MYOM1: variants seen among roughly 807,000 people sequenced by gnomAD.
MYOM1 encodes the protein myomesin 1, also known as myomesin-1.
In MYOM1, 164 loss-of-function variants were observed where a neutral mutation model predicts 205.3. That is an observed-to-expected ratio of 0.80 (90% CI 0.70 to 0.91). The LOEUF is 0.91. MYOM1 is among the 40% of genes least tolerant of loss of function. MYOM1 has a pLI of 0.00. For synonymous variants in MYOM1, 772 were observed against 789.4 expected (o/e 0.98, Z 0.37); for missense variants, 2,011 against 2,127.3 (o/e 0.95, Z 1.08).
the MYOM1 span, among the ~76,000 whole-genome samples, chr18:3,226,912 G>A: frequency 6.6e-6 from 1 of 152,200 alleles, no homozygotes; most frequent in East Asian, 1.9e-4. This position sits in a 1 kb window ranked among gnomAD's most constrained non-coding sequence, Gnocchi z 4.6. Flanking sequence ...GTTCAGCTGC[G>A]GGGAGGACAA....
intron 2 of MYOM1, among the ~76,000 whole-genome samples, chr18:3,194,297 T>C (rs1471319250): frequency 6.6e-6 from 1 of 152,224 alleles, no homozygotes; most frequent in African/African-American, 2.4e-5. Context: ...AGGCAGTCTA[T>C]ATAAATGGTT....
intron 5 of MYOM1, among the ~76,000 whole-genome samples, chr18:3,186,035 A>C (rs2080804363): frequency 6.6e-6 from 1 of 152,124 alleles, no homozygotes; most frequent in Non-Finnish European, 1.5e-5. Context: ...GTCTCTACTG[A>C]AAATACAAAA....
intron 10 of MYOM1, among the ~76,000 whole-genome samples, chr18:3,163,833 GGTTTT>G (rs112483162): frequency 0.1 from 14,674 of 147,236 alleles, 1,585 homozygotes; most frequent in African/African-American, 0.27. Context: ...TTTTTTTTTT[GGTTTT>G]GTTTTGTTTT....
intron 14 of MYOM1, among the ~76,000 whole-genome samples, chr18:3,140,560 C>T (rs1381650983): frequency 6.6e-6 from 1 of 152,120 alleles, no homozygotes; most frequent in Non-Finnish European, 1.5e-5. Context: ...TTCATTGTTA[C>T]TGATTTGCTA....
At chr18:3,198,388 C>T (rs1305228963) in intron 2 of MYOM1, among the ~76,000 whole-genome samples, 2 of 152,172 alleles carry the variant, frequency 1.3e-5, no homozygotes, top group Admixed American at 1.3e-4. Flanking sequence ...TTTCCCACTG[C>T]CTGTGACTAC....
In MYOM1 at chr18:3,151,760, C is replaced by T; in HGVS notation, c.1777G>A (p.Gly593Ser). Residue 593 changes from glycine (G) to serine (S), a missense_variant, in exon 12 of 38, where the codon GGT becomes AGT. By Grantham distance (56) the Gly-to-Ser change is moderately conservative. Transcript: ENST00000356443. ...GGCTCGGAAACTCGAGATGGGAAAC[C>T]TATTCCCATTTTATTCACAGCTCGA... ...RVRAVNKMGIGFPSRVSEPVA... is the reference protein window; with the variant it reads ...RVRAVNKMGISFPSRVSEPVA... 6.2e-7 allele frequency: 1 copy of T among 1,613,880 alleles called. No individual in the cohort carries two copies. Among genetic ancestry groups the T allele is most frequent in the Non-Finnish European group, 8.5e-7 (1 of 1,179,824 alleles).
Position 3,151,906 on chromosome 18 carries a change from G to C in MYOM1, c.1644-13C>G. The C allele has an allele frequency of 6.2e-7, 1 of 1,605,382 alleles. No individual in the cohort carries two copies. On this transcript the variant is annotated splice_polypyrimidine_tract_variant and intron_variant, in intron 11 of 37. Coordinates refer to ENST00000356443, the MANE Select transcript of MYOM1 (RefSeq NM_003803.4). Reference sequence around the variant, plus strand: ...GCCCACCTCACACCTAAAGGAATGAGCGTGATTGACAAAAATATTAAAAGA... The same window carrying C: ...GCCCACCTCACACCTAAAGGAATGACCGTGATTGACAAAAATATTAAAAGA...
intron 21 of MYOM1, among the ~76,000 whole-genome samples, chr18:3,114,131 C>A (rs1435916622): frequency 6.6e-6 from 1 of 152,156 alleles, no homozygotes; most frequent in African/African-American, 2.4e-5. Context: ...AACACAGAAA[C>A]ATTTCCGTGT....
rs6506070 is a variant in MYOM1, at chr18:3,141,691, G to A, written c.2025+248C>T. 0.55 allele frequency among the ~76,000 whole-genome samples: 83,126 copies of A among 152,046 alleles called. 24,088 individuals are homozygous for A. Among genetic ancestry groups the A allele is most frequent in the African/African-American group, 0.74 (30,605 of 41,460 alleles). ...TTTCTCTTCTTGTAGGTGCTATGAT[G>A]TTGGGTCTGGATCTCTTAGGAGTCT... On this transcript the variant is annotated intron_variant, in intron 14 of 37. Transcript: ENST00000356443.
the MYOM1 span, among the ~76,000 whole-genome samples, chr18:3,234,932 T>C: frequency 1.4e-4 from 22 of 152,004 alleles, no homozygotes; most frequent in Non-Finnish European, 2.4e-4. Flanking sequence ...AATTTTTTTT[T>C]TTTTTAGAGA....
intron 26 of MYOM1, among the ~76,000 whole-genome samples, chr18:3,091,242 G>A (rs2079221924): frequency 6.6e-6 from 1 of 152,054 alleles, no homozygotes; most frequent in African/African-American, 2.4e-5. Flanking sequence ...CTTGAACCTA[G>A]GAGGCAGAGG....
intron 21 of MYOM1, among the ~76,000 whole-genome samples, chr18:3,114,190 C>T (rs1236473343): frequency 6.6e-6 from 1 of 152,136 alleles, no homozygotes; most frequent in Non-Finnish European, 1.5e-5. Context: ...GCACCTGCCA[C>T]CTAGGTGATG....
chr18:3,076,779 T>A (rs949668905), intron 34 of MYOM1, among the ~76,000 whole-genome samples: 7 of 151,348 alleles, frequency 4.6e-5, no homozygotes, highest in African/African-American at 9.7e-5. Flanking sequence ...AGTGGCGAGA[T>A]CTCGGCTCAC....
Position 3,141,959 on chromosome 18 carries a change from T to G in MYOM1, c.2005A>C (p.Ile669Leu). ...KPPGQRGHEG[I>L]MYFVEKCEAG... Reference sequence around the variant, plus strand: ...CTTACCTTTTCCACAAAGTACATAATGCCCTCATGACCACGCTGGCCAGGG... The same window carrying G: ...CTTACCTTTTCCACAAAGTACATAAGGCCCTCATGACCACGCTGGCCAGGG... The change falls in exon 14 of 38, where the codon ATT becomes CTT. Residue 669 changes from isoleucine to leucine, a missense_variant. By Grantham distance (5) the Ile-to-Leu change is conservative. Coordinates refer to ENST00000356443, the MANE Select transcript of MYOM1 (RefSeq NM_003803.4). The G allele has an allele frequency of 6.2e-7, 1 of 1,613,880 alleles. No individual in the cohort carries two copies. The highest frequency in any genetic ancestry group is 1.1e-5 in the South Asian group (1 of 91,078).
At chr18:3,193,299 CATACATATATATATGTATATGTACAT>C (rs2080939387) in intron 3 of MYOM1, among the ~76,000 whole-genome samples, 1 of 141,204 alleles carries the variant, frequency 7.1e-6, no homozygotes, top group South Asian at 2.2e-4. Context: ...TATACATATA[CATACATATATATATGTATATGTACAT>C]ATACATATAT....
intron 36 of MYOM1, among the ~76,000 whole-genome samples, chr18:3,073,633 T>A (rs1226205120): frequency 6.6e-6 from 1 of 152,200 alleles, no homozygotes; most frequent in East Asian, 1.9e-4. Context: ...AAGGGTTGCA[T>A]TAGACCTGGG....
At chr18:3,130,244 T>C (rs145139495) in intron 17 of MYOM1, among the ~76,000 whole-genome samples, 3 of 151,968 alleles carry the variant, frequency 2.0e-5, no homozygotes, top group East Asian at 1.9e-4. Context: ...GGTTTAGCCA[T>C]GTAGGCCAGG....
intron 2 of MYOM1, among the ~76,000 whole-genome samples, chr18:3,214,101 G>T (rs966793883): frequency 6.6e-6 from 1 of 152,138 alleles, no homozygotes; most frequent in African/African-American, 2.4e-5. Context: ...TTATCAAATG[G>T]TCGAGCTAAA....
At chr18:3,159,888 TC>T (rs1267442571) in intron 10 of MYOM1, among the ~76,000 whole-genome samples, 603 of 53,646 alleles carry the variant, frequency 0.011, 13 homozygotes, top group South Asian at 0.077. Context: ...CTTCCTTCCT[TC>T]CTTCCTTCCT....
Sources: allele counts gnomAD v4.1 joint callset (sites outside exome capture counted in the v4.1 genomes callset), GRCh38; gene constraint gnomAD v4.1.1; non-coding constraint Gnocchi (gnomAD v3.1); transcripts MANE v1.5; gene names NCBI Gene and HGNC (gene_info 2026-07-23, HGNC 2026-07-21).